The following TNFRSF19 variants were observed in gnomAD, a reference collection of about 807,000 sequenced individuals.
TNFRSF19 encodes TNF receptor superfamily member 19.
In TNFRSF19, 27 loss-of-function variants were observed where a neutral mutation model predicts 46.4. The ratio of observed to expected loss-of-function variants is 0.58; its 90% CI spans 0.43 to 0.80. The LOEUF (loss-of-function observed/expected upper bound fraction) is 0.80. TNFRSF19 is among the 30% of genes least tolerant of loss of function. TNFRSF19 has a pLI of 0.00. For missense variants in TNFRSF19, 511 were observed against 530.8 expected, an observed-to-expected ratio of 0.96 and a Z score of 0.37; for synonymous variants, 204 against 205.0, an observed-to-expected ratio of 1.00 and a Z score of 0.04.
At chr13:23,633,725 C>T (rs1234615252) in intron 5 of TNFRSF19, among the ~76,000 whole-genome samples, 3 of 152,042 alleles carry the variant, frequency 2.0e-5, no homozygotes, top group Non-Finnish European at 2.9e-5. Context: ...GGCAGTCACC[C>T]GTAATCCCAG....
At chr13:23,670,513 C>G (rs1951742490) in intron 9 of TNFRSF19, among the ~76,000 whole-genome samples, 1 of 152,218 alleles carries the variant, frequency 6.6e-6, no homozygotes, top group Non-Finnish European at 1.5e-5. Context: ...CCTCTGAGCT[C>G]TGCCTGGAGT....
intron 1 of TNFRSF19, among the ~76,000 whole-genome samples, chr13:23,579,025 C>T (rs566724756): frequency 1.4e-4 from 21 of 152,342 alleles, no homozygotes; most frequent in African/African-American, 3.8e-4. Flanking sequence ...TGCGGGCCCA[C>T]GCGGGAAAGG....
chr13:23,672,326 C>T (rs989990656), intron 9 of TNFRSF19, among the ~76,000 whole-genome samples: 8 of 152,180 alleles, frequency 5.3e-5, no homozygotes, highest in African/African-American at 1.9e-4. Context: ...TTTGAGAGAA[C>T]AAAGCCAGCC....
intron 2 of TNFRSF19, among the ~76,000 whole-genome samples, chr13:23,592,892 A>C (rs1259480155): frequency 6.6e-6 from 1 of 152,162 alleles, no homozygotes; most frequent in African/African-American, 2.4e-5. Context: ...ATACTTGAAT[A>C]TGTTTATATT....
intron 7 of TNFRSF19, among the ~76,000 whole-genome samples, chr13:23,660,807 C>A (rs1327352222): frequency 6.6e-6 from 1 of 152,034 alleles, no homozygotes; most frequent in Non-Finnish European, 1.5e-5. Context: ...GACTTTATAT[C>A]CTTTGCTGTC....
At chr13:23,607,438 T>C (rs1880589143) in intron 3 of TNFRSF19, among the ~76,000 whole-genome samples, 1 of 152,042 alleles carries the variant, frequency 6.6e-6, no homozygotes, top group Non-Finnish European at 1.5e-5. Flanking sequence ...AATAAATAGA[T>C]AAATAGATAG....
At chr13:23,576,949 C>G (rs903091482) in intron 1 of TNFRSF19, among the ~76,000 whole-genome samples, 5 of 152,310 alleles carry the variant, frequency 3.3e-5, no homozygotes, top group Middle Eastern at 3.4e-3. Context: ...CGTCAATGAT[C>G]ATTTATTGAT....
chr13:23,653,914 G>A (rs558348256), intron 5 of TNFRSF19, among the ~76,000 whole-genome samples: 1 of 152,154 alleles, frequency 6.6e-6, no homozygotes, highest in Admixed American at 6.5e-5. Context: ...AGATCTATTG[G>A]AGTGTGCCTG....
intron 4 of TNFRSF19, among the ~76,000 whole-genome samples, chr13:23,624,007 A>G (rs187258570): frequency 6.6e-6 from 1 of 152,234 alleles, no homozygotes; most frequent in Non-Finnish European, 1.5e-5. Context: ...TTGGTGTCAT[A>G]TTTAAGAAAT....
intron 7 of TNFRSF19, among the ~76,000 whole-genome samples, chr13:23,662,611 G>C (rs930134902): frequency 6.6e-6 from 1 of 152,104 alleles, no homozygotes; most frequent in Non-Finnish European, 1.5e-5. Flanking sequence ...CTGTACATTT[G>C]TTTGGGCAGT....
intron 3 of TNFRSF19, among the ~76,000 whole-genome samples, chr13:23,608,100 C>T (rs73156760): frequency 0.017 from 2,536 of 152,256 alleles, 32 homozygotes; most frequent in Middle Eastern, 0.044. Context: ...CAGTAGGTCC[C>T]AGCCTCTTTT....
chr13:23,618,492 C>T (rs193295110), intron 4 of TNFRSF19, among the ~76,000 whole-genome samples: 26 of 152,230 alleles, frequency 1.7e-4, no homozygotes, highest in African/African-American at 3.9e-4. Context: ...CAGACGGTAA[C>T]GGTGATGACA....
chr13:23,672,225 T>C (rs1951771906), intron 9 of TNFRSF19, among the ~76,000 whole-genome samples: 1 of 152,238 alleles, frequency 6.6e-6, no homozygotes, highest in South Asian at 2.1e-4. Context: ...TTCTTTAGTT[T>C]GTATGACTCA....
intron 4 of TNFRSF19, among the ~76,000 whole-genome samples, chr13:23,620,198 A>C (rs1315900456): frequency 1.3e-5 from 2 of 152,234 alleles, no homozygotes; most frequent in African/African-American, 4.8e-5. Context: ...TGAAGAAACC[A>C]AATAGTTGGA....
chr13:23,637,177 G>T (rs918008719), intron 5 of TNFRSF19, among the ~76,000 whole-genome samples: 3 of 152,084 alleles, frequency 2.0e-5, no homozygotes, highest in Non-Finnish European at 2.9e-5. Context: ...ACAGATGAAG[G>T]CCTGAAAAAT....
chr13:23,668,583 G>T, intron 8 of TNFRSF19, 109 bp from the exon 9 acceptor site: 3 of 1,276,244 alleles, frequency 2.4e-6, no homozygotes, highest in Non-Finnish European at 3.2e-6. Flanking sequence ...TTCTGATGCA[G>T]TAAATTGCTA....
intron 1 of TNFRSF19, among the ~76,000 whole-genome samples, chr13:23,582,179 G>A (rs992591270): frequency 7.5e-6 from 1 of 133,170 alleles, no homozygotes; most frequent in Non-Finnish European, 1.5e-5. Flanking sequence ...AGGAGATCAA[G>A]ACCATCCTGG....
chr13:23,654,705 C>T (rs931209612), intron 5 of TNFRSF19, among the ~76,000 whole-genome samples: 6 of 152,178 alleles, frequency 3.9e-5, no homozygotes, highest in Non-Finnish European at 7.4e-5. Flanking sequence ...TGGAGCAGTG[C>T]GGTCTACTAG....
intron 5 of TNFRSF19, among the ~76,000 whole-genome samples, chr13:23,642,078 T>C (rs1395378794): frequency 2.6e-5 from 4 of 152,352 alleles, no homozygotes; most frequent in African/African-American, 9.6e-5. Flanking sequence ...GATTGAACCA[T>C]CATAAGTTGA....
Sources: gnomAD v4.1 joint callset for allele counts (sites outside exome capture counted in the v4.1 genomes callset) on GRCh38, gnomAD v4.1.1 for gene constraint, MANE v1.5 for transcripts, NCBI Gene and HGNC (gene_info 2026-07-23, HGNC 2026-07-21) for gene names.